MTAP: variants seen among roughly 807,000 people sequenced by gnomAD.
MTAP encodes methylthioadenosine phosphorylase, also known as S-methyl-5'-thioadenosine phosphorylase.
Under a neutral mutation model 33.6 loss-of-function variants are expected in MTAP, and 33 were observed. That is an observed-to-expected ratio of 0.98 (90% CI 0.74 to 1.31). The LOEUF is 1.31. Among genes scored for constraint, MTAP ranks in the 40% most tolerant of loss-of-function variants. MTAP has a pLI of 0.00. For missense variants in MTAP, 367 were observed against 360.0 expected, an observed-to-expected ratio of 1.02 and a Z score of -0.16; for synonymous variants, 148 against 125.7, an observed-to-expected ratio of 1.18 and a Z score of -1.19.
intron 1 of MTAP, among the ~76,000 whole-genome samples, chr9:21,911,047 A>T (rs1259411968): frequency 2.6e-5 from 4 of 152,208 alleles, no homozygotes; most frequent in Non-Finnish European, 5.9e-5. Context: ...CCATTACATA[A>T]TGGTAAAGGG....
At chr9:21,935,954 C>A (rs960169326), downstream of MTAP, 1 of 152,232 alleles carries the variant, frequency 6.6e-6, no homozygotes, top group East Asian at 1.9e-4. Context: ...TGATTTTGGA[C>A]ATCTAGAAGT....
chr9:21,903,409 A>G (rs534899397), intron 1 of MTAP, among the ~76,000 whole-genome samples: 2 of 152,296 alleles, frequency 1.3e-5, no homozygotes, highest in South Asian at 4.2e-4. Context: ...TTCTGGATAG[A>G]GGAGATGGAA....
At chr9:21,829,082 A>G (rs774403202) in intron 4 of MTAP, among the ~76,000 whole-genome samples, 21 of 152,222 alleles carry the variant, frequency 1.4e-4, no homozygotes, top group Non-Finnish European at 2.6e-4. Context: ...TACTGATAGC[A>G]CATTTCTTAG....
Position 21,839,533 on chromosome 9 carries a change from T to A in MTAP, c.450+1523T>A, listed in dbSNP as rs76809484. On this transcript the variant is annotated intron_variant, in intron 5 of 7. Coordinates refer to ENST00000644715, the MANE Select transcript of MTAP (RefSeq NM_002451.4). ...TGTAAATGTGGGTCTGTGGTGATAA[T>A]TTCCAGTAATCCAAGTTAGCCTCCC... Among the ~76,000 whole-genome samples the A allele has an allele frequency of 8.1e-4, 124 of 152,298 alleles. 1 individual carries two copies. The East Asian group carries it at 0.015, about 19-fold the overall frequency.
At chr9:21,857,086 A>C (rs983393519) in intron 6 of MTAP, among the ~76,000 whole-genome samples, 8 of 152,162 alleles carry the variant, frequency 5.3e-5, no homozygotes, top group Non-Finnish European at 1.0e-4. Context: ...AGAGGTGGGT[A>C]GTATCAGGGA....
At chr9:21,874,694 CT>C (rs10713371) in intron 1 of MTAP, among the ~76,000 whole-genome samples, 41,466 of 139,522 alleles carry the variant, frequency 0.3, 6,335 homozygotes, top group African/African-American at 0.4. Flanking sequence ...AATCATTTTT[CT>C]TTTTTTTTTT....
intron 1 of MTAP, among the ~76,000 whole-genome samples, chr9:21,924,184 C>T (rs961770550): frequency 2.0e-5 from 3 of 152,078 alleles, no homozygotes; most frequent in Non-Finnish European, 4.4e-5. Flanking sequence ...TGGGGGATGC[C>T]CTGTTCAGGA....
At chr9:21,929,320 C>T (rs965517020) in intron 1 of MTAP, 1 of 155,828 alleles carries the variant, frequency 6.4e-6, no homozygotes, top group African/African-American at 2.4e-5. Flanking sequence ...TAAGGTGATC[C>T]TAGTATTAGG....
At chr9:21,916,306 C>T (rs1055796911) in intron 1 of MTAP, among the ~76,000 whole-genome samples, 2 of 152,000 alleles carry the variant, frequency 1.3e-5, no homozygotes, top group African/African-American at 4.8e-5. Flanking sequence ...GATTGGTTTA[C>T]TTATAAGAAA....
rs547939395 is a variant in MTAP, at chr9:21,864,047, G to A, written c.*2033G>A. The A allele has an allele frequency of 1.7e-4, 164 of 985,518 alleles. 1 individual carries two copies. Among genetic ancestry groups the A allele is most frequent in the African/African-American group, 7.3e-4 (42 of 57,344 alleles). 61.0% of individuals were successfully genotyped at this position (985,518 alleles called of 1,614,324 possible). On this transcript the variant is annotated 3_prime_UTR_variant, in exon 8 of 8. Transcript: ENST00000644715. ...TTCACTACAATATGATACATAGATG[G>A]TACCTTACTTTTCCTCATTCTTAAT... is the stretch of plus-strand genomic sequence containing the variant.
At chr9:21,859,539 A>C (rs944995723) in intron 7 of MTAP, 114 bp downstream of exon 7, 2 of 1,290,296 alleles carry the variant, frequency 1.6e-6, no homozygotes, top group Non-Finnish European at 2.1e-6. Context: ...AGATGTTTTC[A>C]ACAAGTTTTT....
intron 1 of MTAP, among the ~76,000 whole-genome samples, chr9:21,890,066 G>A (rs1430498100): frequency 1.3e-5 from 2 of 152,092 alleles, no homozygotes. Context: ...CATCAGGTGG[G>A]GGCAGGATTA....
At chr9:21,897,825 C>G (rs1372797544) in intron 1 of MTAP, among the ~76,000 whole-genome samples, 1 of 152,042 alleles carries the variant, frequency 6.6e-6, no homozygotes, top group Non-Finnish European at 1.5e-5. Context: ...TTTATAGATT[C>G]AATGCCATCC....
At chr9:21,852,553 G>A (rs996176786) in intron 5 of MTAP, among the ~76,000 whole-genome samples, 8 of 151,686 alleles carry the variant, frequency 5.3e-5, no homozygotes, top group African/African-American at 1.9e-4. Flanking sequence ...GGGGCCTCTG[G>A]GGGAAGTGGG....
At position 21,808,209 on chromosome 9, in the gene MTAP, T is replaced by C. The variant is rs183339936; in HGVS notation, c.33+5428T>C. 3.2e-3 allele frequency among the ~76,000 whole-genome samples: 494 copies of C among 152,336 alleles called. 5 individuals carry two copies. Among genetic ancestry groups the C allele is most frequent in the African/African-American group, 0.011 (469 of 41,576 alleles). On this transcript the variant is annotated intron_variant, in intron 1 of 7. Coordinates refer to ENST00000644715, the MANE Select transcript of MTAP (RefSeq NM_002451.4). ...GAGAGCTTTGGAAAGGGTGGCCATC[T>C]ACATTTTTAACAAGTTCTTCCCTTA...
intron 4 of MTAP, among the ~76,000 whole-genome samples, chr9:21,822,012 T>TTC (rs1209704452): frequency 1.3e-5 from 2 of 152,216 alleles, no homozygotes; most frequent in African/African-American, 4.8e-5. Flanking sequence ...TATTTGATTC[T>TTC]TCTCTCTTTT....
At position 21,863,680 on chromosome 9, in the gene MTAP, G is replaced by A; in HGVS notation, c.*1666G>A. 2 of 985,600 alleles carry A rather than the reference G, an allele frequency of 2.0e-6. No homozygotes were observed. The highest frequency in any genetic ancestry group is 2.4e-6 in the Non-Finnish European group (2 of 829,942). The allele number at this position is 985,600 out of a possible 1,614,324, so 61.1% of individuals were successfully genotyped here. A position where few individuals can be genotyped will look rare whatever the true frequency, so the allele number is the denominator to read the frequency against. On this transcript the variant is annotated 3_prime_UTR_variant, in exon 8 of 8. Transcript: ENST00000644715. ...TTGCTTCAGTTTTTTATCATGGGGA[G>A]ATCTTTTTCCTCAGAATTGTTTTCT...
At chr9:21,907,553 T>A (rs952980111) in intron 1 of MTAP, among the ~76,000 whole-genome samples, 18 of 152,288 alleles carry the variant, frequency 1.2e-4, no homozygotes, top group South Asian at 6.2e-4. Context: ...TCAGAGCCTG[T>A]CTCAAAAACA....
chr9:21,892,316 C>T (rs1206582119), intron 1 of MTAP: 1 of 152,102 alleles, frequency 6.6e-6, no homozygotes, highest in East Asian at 1.9e-4. Flanking sequence ...ACTTAAAAGG[C>T]ACACAGTGGC....
Sources: allele counts gnomAD v4.1 joint callset (sites outside exome capture counted in the v4.1 genomes callset), GRCh38; gene constraint gnomAD v4.1.1; transcripts MANE v1.5; gene names NCBI Gene and HGNC (gene_info 2026-07-23, HGNC 2026-07-21).